The following MPPED2 variants were observed in gnomAD, a reference collection of about 807,000 sequenced individuals.
MPPED2 encodes the protein metallophosphoesterase domain containing 2.
A neutral mutation model predicts 33.0 loss-of-function variants in MPPED2; 5 were observed. The observed-to-expected ratio is 0.15, with a 90% CI of 0.08 to 0.32. MPPED2 has a LOEUF of 0.32. Among genes scored for constraint, MPPED2 ranks in the 10% least tolerant of loss-of-function variants. The probability of loss-of-function intolerance (pLI) is 1.00; values close to 1 mark genes in which losing one functional copy is unlikely to be tolerated. For synonymous variants in MPPED2, 136 were observed against 141.9 expected (o/e 0.96, Z 0.29); for missense variants, 275 against 372.1 (o/e 0.74, Z 2.15).
chr11:30,571,683 A>G (rs1201744902), intron 2 of MPPED2, among the ~76,000 whole-genome samples: 2 of 152,160 alleles, frequency 1.3e-5, no homozygotes, highest in Non-Finnish European at 1.5e-5. Context: ...AAGAAGAAAA[A>G]CAAACTGATG....
chr11:30,469,577 T>A (rs539786160), intron 4 of MPPED2, among the ~76,000 whole-genome samples: 2 of 152,220 alleles, frequency 1.3e-5, no homozygotes, highest in Non-Finnish European at 2.9e-5. Flanking sequence ...ATTACTATAA[T>A]GTTAATATCT....
chr11:30,490,785 C>A (rs571554863), intron 4 of MPPED2, among the ~76,000 whole-genome samples: 2 of 152,196 alleles, frequency 1.3e-5, no homozygotes, highest in African/African-American at 4.8e-5. Flanking sequence ...AGGTAGCTTT[C>A]AGCTGTGTTG....
At chr11:30,487,564 A>T (rs1390486948) in intron 4 of MPPED2, among the ~76,000 whole-genome samples, 2 of 151,978 alleles carry the variant, frequency 1.3e-5, no homozygotes, top group Admixed American at 1.3e-4. Flanking sequence ...TCATTGCAAC[A>T]TCGACCTCCC....
intron 4 of MPPED2, among the ~76,000 whole-genome samples, chr11:30,450,620 G>C (rs571844618): frequency 3.3e-5 from 5 of 152,166 alleles, no homozygotes; most frequent in Admixed American, 3.3e-4. Flanking sequence ...CCACTCCTAG[G>C]TGCTTCTAAA....
intron 4 of MPPED2, 145 bp downstream of exon 4, chr11:30,495,151 A>C: frequency 1.6e-6 from 1 of 639,816 alleles, no homozygotes; most frequent in Non-Finnish European, 2.8e-6. Context: ...ATTTTGCAGC[A>C]GTACAGTATG....
At chr11:30,512,101 G>A (rs1011377701) in intron 3 of MPPED2, among the ~76,000 whole-genome samples, 3 of 152,254 alleles carry the variant, frequency 2.0e-5, no homozygotes, top group African/African-American at 7.2e-5. Context: ...CTTCACTGAG[G>A]AGACACCAAA....
In MPPED2 at chr11:30,508,728, T is replaced by C. The variant is rs1471068708; in HGVS notation, c.311-13207A>G. Among the ~76,000 whole-genome samples, 4 of 152,188 alleles carry C rather than the reference T, an allele frequency of 2.6e-5. No homozygotes were observed. The East Asian group carries it at 7.7e-4, about 29-fold the overall frequency. On this transcript the variant is annotated intron_variant, in intron 3 of 6. Coordinates refer to ENST00000358117, the MANE Select transcript of MPPED2 (RefSeq NM_001584.3). ...TAACATCTTCCCAGATTCTCTATTA[T>C]TGCCCACAGACAAAGGGCCAAACGT... is the stretch of plus-strand genomic sequence containing the variant.
intron 4 of MPPED2, among the ~76,000 whole-genome samples, chr11:30,469,244 T>C (rs925578031): frequency 2.0e-5 from 3 of 152,260 alleles, no homozygotes; most frequent in African/African-American, 7.2e-5. Flanking sequence ...ATTTCTGTTT[T>C]CTTACCATCT....
At position 30,434,937 on chromosome 11, in the gene MPPED2, T is replaced by C. The variant is rs370479308; in HGVS notation, c.537-17304A>G. ...CGATTAGGGTCATGCATCTGACTGG[T>C]AAAGTTGAGATCCAAACTCAGATTT... On this transcript the variant is annotated intron_variant, in intron 4 of 6. Transcript: ENST00000358117. Among the ~76,000 whole-genome samples the C allele has an allele frequency of 2.6e-5, 4 of 152,152 alleles. No individual in the cohort carries two copies. The East Asian group carries it at 5.8e-4, about 22-fold the overall frequency.
chr11:30,583,134 CTTTTTT>C (rs199611856), intron 1 of MPPED2, among the ~76,000 whole-genome samples: 11 of 96,674 alleles, frequency 1.1e-4, no homozygotes, highest in East Asian at 8.0e-4. Context: ...AAGACTTTTT[CTTTTTT>C]TTTTTTTTTT....
chr11:30,502,732 A>G (rs1300005596), intron 3 of MPPED2, among the ~76,000 whole-genome samples: 2 of 152,220 alleles, frequency 1.3e-5, no homozygotes, highest in Non-Finnish European at 2.9e-5. Flanking sequence ...TAGGTGGAAG[A>G]TAATAGAGAA....
intron 2 of MPPED2, among the ~76,000 whole-genome samples, chr11:30,566,210 T>C (rs2134762702): frequency 6.6e-6 from 1 of 152,306 alleles, no homozygotes; most frequent in South Asian, 2.1e-4. Flanking sequence ...AATTTAATGC[T>C]TCTGACCGAT....
intron 2 of MPPED2, among the ~76,000 whole-genome samples, chr11:30,559,889 A>G (rs1956163465): frequency 1.3e-5 from 2 of 152,004 alleles, no homozygotes; most frequent in African/African-American, 4.8e-5. Flanking sequence ...ATTATGCCCT[A>G]TTTTGAAAAT....
At chr11:30,517,104 T>A (rs1023042520) in intron 3 of MPPED2, among the ~76,000 whole-genome samples, 7 of 152,210 alleles carry the variant, frequency 4.6e-5, no homozygotes, top group African/African-American at 7.2e-5. Context: ...CTAATCTTTA[T>A]GATGGGATAG....
chr11:30,573,168 G>A (rs1390462061), intron 2 of MPPED2, among the ~76,000 whole-genome samples: 1 of 152,122 alleles, frequency 6.6e-6, no homozygotes, highest in Non-Finnish European at 1.5e-5. Context: ...TATGAAGGTG[G>A]TACCATAAGA....
intron 4 of MPPED2, among the ~76,000 whole-genome samples, chr11:30,468,351 G>T (rs1055991543): frequency 6.6e-6 from 1 of 151,988 alleles, no homozygotes; most frequent in South Asian, 2.1e-4. Context: ...CTAAGATTGT[G>T]TCACACTTCA....
At chr11:30,472,380 A>C (rs956690780) in intron 4 of MPPED2, among the ~76,000 whole-genome samples, 8 of 152,082 alleles carry the variant, frequency 5.3e-5, no homozygotes, top group Admixed American at 2.6e-4. Context: ...TAATAATAAT[A>C]ATAATTAAGC....
At chr11:30,582,868 C>T (rs988708695) in intron 1 of MPPED2, among the ~76,000 whole-genome samples, 1 of 152,174 alleles carries the variant, frequency 6.6e-6, no homozygotes, top group Non-Finnish European at 1.5e-5. Context: ...AAATGGGTGG[C>T]TGGCACCTCA....
chr11:30,444,718 G>C (rs1194877421), intron 4 of MPPED2, among the ~76,000 whole-genome samples: 1 of 152,034 alleles, frequency 6.6e-6, no homozygotes, highest in Non-Finnish European at 1.5e-5. Flanking sequence ...GGGCTGTGTT[G>C]GTTTCTGAGA....
Sources: allele counts gnomAD v4.1 joint callset (sites outside exome capture counted in the v4.1 genomes callset), GRCh38; gene constraint gnomAD v4.1.1; transcripts MANE v1.5; gene names NCBI Gene and HGNC (gene_info 2026-07-23, HGNC 2026-07-21).